Variants in WDR49 observed in about 807,000 individuals in gnomAD.
WDR49 encodes WD repeat domain 49.
WDR49 carries 107 observed loss-of-function variants against 119.5 expected under a neutral mutation model. The ratio of observed to expected loss-of-function variants is 0.90; its 90% CI spans 0.77 to 1.05. The LOEUF is 1.05. Ranked by LOEUF, WDR49 falls within the 50% of genes least tolerant of loss-of-function variation. The pLI is 0.00. For missense variants in WDR49, 1,240 were observed against 1,220.5 expected (o/e 1.02, Z -0.24); for synonymous variants, 425 against 418.8 (o/e 1.01, Z -0.18).
At chr3:167,543,937 T>C (rs1712001484) in intron 10 of WDR49, among the ~76,000 whole-genome samples, 1 of 151,720 alleles carries the variant, frequency 6.6e-6, no homozygotes, top group Non-Finnish European at 1.5e-5. Context: ...TGCTCCTAGA[T>C]CAGATAAATG....
chr3:167,601,254 A>G (rs1412931000), intron 7 of WDR49, among the ~76,000 whole-genome samples: 1 of 152,186 alleles, frequency 6.6e-6, no homozygotes. Context: ...TAAAATAAGT[A>G]AGTTTGGTAG....
intron 2 of WDR49, among the ~76,000 whole-genome samples, chr3:167,632,804 C>G (rs1316210576): frequency 6.6e-6 from 1 of 151,994 alleles, no homozygotes; most frequent in East Asian, 1.9e-4. Context: ...ATATATCATA[C>G]ACTGTGGTTG....
chr3:167,519,999 T>G (rs1269016312), intron 16 of WDR49, among the ~76,000 whole-genome samples: 2 of 151,644 alleles, frequency 1.3e-5, no homozygotes, highest in African/African-American at 4.8e-5. Context: ...TTTGGGAGGG[T>G]GAAGTGGAAG....
chr3:167,560,214 AT>A lies in WDR49; in HGVS notation c.1523del (p.Asp508ValfsTer10). On this transcript the variant is annotated frameshift_variant, in exon 9 of 19. Coordinates refer to ENST00000682715, the MANE Select transcript of WDR49 (RefSeq NM_001366157.1). LOFTEE classifies it high-confidence loss of function. Reference protein sequence around the residue: ...NSILKQVISSDTGSTVSFWMI... With the variant: ...NSILKQVISSXTGSTVSFWMI... ...TCCAGAAGGAAACAGTAGACCCTGT[AT>A]CAGAGCTGATTACCTAAGAGAAAAT... is the stretch of plus-strand genomic sequence containing the variant. 6.2e-7 allele frequency: 1 copy of A among 1,613,680 alleles called. No homozygotes were observed. Among genetic ancestry groups the A allele is most frequent in the Non-Finnish European group, 8.5e-7 (1 of 1,179,856 alleles).
At chr3:167,626,721 C>G in intron 3 of WDR49, 131 bp downstream of exon 3, 2 of 651,980 alleles carry the variant, frequency 3.1e-6, no homozygotes, top group Non-Finnish European at 4.4e-6. Context: ...GCTGGCACTA[C>G]CTGTTCTCCC....
intron 1 of WDR49, 130 bp downstream of exon 1, chr3:167,653,704 G>T (rs1161902658): frequency 1.2e-5 from 3 of 252,492 alleles, no homozygotes; most frequent in Admixed American, 1.0e-4. Flanking sequence ...CTTATACTCT[G>T]TTTAACCTGG....
At chr3:167,517,764 A>G (rs974394357) in intron 16 of WDR49, among the ~76,000 whole-genome samples, 2 of 142,808 alleles carry the variant, frequency 1.4e-5, no homozygotes, top group African/African-American at 5.2e-5. Flanking sequence ...TTTAAGTTTT[A>G]GGGTACATGT....
At chr3:167,598,346 C>T (rs1715596119) in intron 7 of WDR49, among the ~76,000 whole-genome samples, 1 of 151,938 alleles carries the variant, frequency 6.6e-6, no homozygotes, top group Non-Finnish European at 1.5e-5. Context: ...GTGAGAAGGA[C>T]ATAAGATTTG....
In WDR49 at chr3:167,620,462, G is replaced by A; in HGVS notation, c.925C>T (p.His309Tyr). 8 of 1,535,834 alleles carry A rather than the reference G, an allele frequency of 5.2e-6. No homozygotes were observed. The highest frequency in any genetic ancestry group is 7.0e-6 in the Non-Finnish European group (8 of 1,146,576). Residue 309 changes from histidine (H) to tyrosine (Y), a missense_variant, in exon 5 of 19, where the codon CAT becomes TAT. Transcript: ENST00000682715. ...ACCCAATCTCCTTGATGAAGTTTAT[G>A]CTCTAATATATGGCAACATTTGTGA... ...GCHKCCHILEHKLHQGDWVRQ... is the reference protein window; with the variant it reads ...GCHKCCHILEYKLHQGDWVRQ...
chr3:167,656,288 A>G (rs1235217890), upstream of WDR49, among the ~76,000 whole-genome samples: 1 of 152,172 alleles, frequency 6.6e-6, no homozygotes, highest in Admixed American at 6.5e-5. Context: ...TGGGAACACG[A>G]TTTGTCTTCT....
intron 18 of WDR49, 117 bp downstream of exon 18, chr3:167,500,036 G>A (rs1751497984): frequency 8.3e-7 from 1 of 1,201,876 alleles, no homozygotes; most frequent in Non-Finnish European, 1.1e-6. Context: ...ACCACACTTT[G>A]TTTCACTGCA....
At chr3:167,583,304 A>C (rs1714644092) in intron 7 of WDR49, among the ~76,000 whole-genome samples, 1 of 152,146 alleles carries the variant, frequency 6.6e-6, no homozygotes, top group Non-Finnish European at 1.5e-5. Context: ...AAAAAAAATC[A>C]AAAGCAGCTA....
At chr3:167,644,500 A>T (rs1718028049) in intron 2 of WDR49, among the ~76,000 whole-genome samples, 1 of 152,156 alleles carries the variant, frequency 6.6e-6, no homozygotes, top group South Asian at 2.1e-4. Context: ...AATCTTGGGC[A>T]ATCTTACATA....
At chr3:167,550,516 T>G (rs57245195) in intron 10 of WDR49, among the ~76,000 whole-genome samples, 1 of 151,964 alleles carries the variant, frequency 6.6e-6, no homozygotes, top group Non-Finnish European at 1.5e-5. Flanking sequence ...GTCTAGACTT[T>G]TAAGGAGATA....
At position 167,633,490 on chromosome 3, in the gene WDR49, T is replaced by C. The variant is rs533351383; in HGVS notation, c.166-6198A>G. The C allele has an allele frequency of 8.8e-6, 4 of 456,216 alleles. No homozygotes were observed. In the East Asian group the frequency reaches 2.1e-4, roughly 24 times the overall value. 28.3% of individuals were successfully genotyped at this position (456,216 alleles called of 1,614,324 possible). On this transcript the variant is annotated intron_variant, in intron 2 of 18. Transcript: ENST00000682715. ...AGTAATCCCAGCTTCTGTCTTGTCT[T>C]TAGCCACTCGTAGTGCTGCTCTGTG...
At chr3:167,526,293 T>G (rs1320742428) in intron 15 of WDR49, among the ~76,000 whole-genome samples, 1 of 152,106 alleles carries the variant, frequency 6.6e-6, no homozygotes, top group Non-Finnish European at 1.5e-5. Flanking sequence ...TAGCTACAGA[T>G]TATGTTTGGT....
At chr3:167,595,502 T>C (rs986246223) in intron 7 of WDR49, among the ~76,000 whole-genome samples, 45 of 152,312 alleles carry the variant, frequency 3.0e-4, no homozygotes, top group Admixed American at 1.7e-3. Context: ...AACAACATGG[T>C]ACTGGTACCA....
chr3:167,563,488 G>A (rs1395352329), intron 8 of WDR49, among the ~76,000 whole-genome samples: 1 of 151,894 alleles, frequency 6.6e-6, no homozygotes, highest in Admixed American at 6.6e-5. Context: ...AATCATGAAA[G>A]TGTAATTTTC....
chr3:167,497,523 T>C (rs1751400958), intron 18 of WDR49, among the ~76,000 whole-genome samples: 1 of 152,152 alleles, frequency 6.6e-6, no homozygotes, highest in Non-Finnish European at 1.5e-5. Flanking sequence ...GCCCACACTT[T>C]TTCCCTGCCC....
Sources: allele counts gnomAD v4.1 joint callset (sites outside exome capture counted in the v4.1 genomes callset), GRCh38; gene constraint gnomAD v4.1.1; transcripts MANE v1.5; gene names NCBI Gene and HGNC (gene_info 2026-07-23, HGNC 2026-07-21).